Variants in COX15 observed in about 807,000 individuals in gnomAD.
The protein encoded by COX15 is cytochrome c oxidase assembly factor COX15, also known as heme A synthase COX15.
In COX15, 51 loss-of-function variants were observed where a neutral mutation model predicts 51.9. That is an observed-to-expected ratio of 0.98 (90% CI 0.78 to 1.24). COX15 has a LOEUF of 1.24. Among genes scored for constraint, COX15 ranks in the 50% most tolerant of loss-of-function variants. The pLI is 0.00. For missense variants in COX15, 420 were observed against 501.1 expected (o/e 0.84, Z 1.55); for synonymous variants, 188 against 190.5 (o/e 0.99, Z 0.11).
At chr10:99,696,155 TATA>T in the COX15 span, 1 of 1,608,034 alleles carries the variant, frequency 6.2e-7, no homozygotes, top group Non-Finnish European at 8.5e-7. Context: ...GTTTCTGAAA[TATA>T]ATGTCAGGCT....
rs961598180 is a variant in COX15 at position 99,711,066 on chromosome 10, A to G, written c.*3521T>C. ...CATGCATTCACTAATTCAATATTTG[A>G]TATGTGTCTGGGAGTGCTGGGAATA... On this transcript the variant is annotated 3_prime_UTR_variant, in exon 9 of 9. Transcript: ENST00000016171. 2.3e-5 allele frequency: 23 copies of G among 983,012 alleles called. No individual in the cohort carries two copies. In the Admixed American group the frequency reaches 1.4e-3, roughly 59 times the overall value. 60.9% of individuals were successfully genotyped at this position (983,012 alleles called of 1,614,324 possible).
chr10:99,728,943 C>T (rs2037047857), intron 2 of COX15, among the ~76,000 whole-genome samples: 1 of 152,106 alleles, frequency 6.6e-6, no homozygotes. Flanking sequence ...TTCAAACAAA[C>T]TGTAAAAAAA....
At chr10:99,718,301 A>T in intron 7 of COX15, 45 bp downstream of exon 7, 1 of 1,611,628 alleles carries the variant, frequency 6.2e-7, no homozygotes, top group Non-Finnish European at 8.5e-7. Flanking sequence ...AAAGCCTATG[A>T]TAGGCTCCTG....
chr10:99,729,812 G>C, intron 1 of COX15, 78 bp from the exon 2 acceptor site: 8 of 1,404,174 alleles, frequency 5.7e-6, no homozygotes, highest in Non-Finnish European at 5.0e-6. Context: ...ATTCTGATTA[G>C]CGCGAAGTAC....
At chr10:99,718,203 TG>T in intron 7 of COX15, 142 bp downstream of exon 7, 1 of 920,038 alleles carries the variant, frequency 1.1e-6, no homozygotes, top group Non-Finnish European at 1.7e-6. Context: ...ATTAGAGAAA[TG>T]GTCCTAAAAT....
the COX15 span, chr10:99,705,130 A>G: frequency 5.9e-6 from 1 of 169,248 alleles, no homozygotes; most frequent in Admixed American, 5.6e-5. Context: ...CAGAGATATC[A>G]TTTATGTGGA....
In COX15 at chr10:99,729,538, G is replaced by C. The variant is rs747739715; in HGVS notation, c.272+15C>G. Reference sequence around the variant, plus strand: ...ATGATCCAAATACCTGACTCACTACGAGCAAATTACTTACCTAGTTACTCC... The same window carrying C: ...ATGATCCAAATACCTGACTCACTACCAGCAAATTACTTACCTAGTTACTCC... On this transcript the variant is annotated intron_variant, in intron 2 of 8. Transcript: ENST00000016171. The C allele has an allele frequency of 1.2e-6, 2 of 1,609,580 alleles. No individual in the cohort carries two copies. The highest frequency in any genetic ancestry group is 1.7e-5 in the Admixed American group (1 of 59,846).
intron 1 of COX15, among the ~76,000 whole-genome samples, chr10:99,730,585 C>CAAA (rs11440363): frequency 6.7e-6 from 1 of 149,270 alleles, no homozygotes; most frequent in Non-Finnish European, 1.5e-5. Flanking sequence ...CTCCATCTCT[C>CAAA]AAAAAAAAAA....
At chr10:99,715,926 T>A (rs2036555182) in intron 8 of COX15, among the ~76,000 whole-genome samples, 1 of 152,182 alleles carries the variant, frequency 6.6e-6, no homozygotes, top group African/African-American at 2.4e-5. Context: ...ATTTTCCGGT[T>A]ATTAATCTTT....
intron 1 of COX15, 80 bp downstream of exon 1, chr10:99,731,880 T>C (rs2037161411): frequency 2.0e-6 from 3 of 1,531,142 alleles, no homozygotes; most frequent in East Asian, 2.4e-5. Context: ...AAACGTGATG[T>C]GGGGCTCTAC....
rs560943306 is a variant in COX15, at chr10:99,715,425, C to G, written c.1102-707G>C. On this transcript the variant is annotated intron_variant, in intron 8 of 8. Coordinates refer to ENST00000016171, the MANE Select transcript of COX15 (RefSeq NM_078470.6). ...AAGTGCTGGGATTACAGGCGTGAGCCACTGTGCCCGGCCCATAGTTTTTTA... is the reference window on the plus strand; with the variant it reads ...AAGTGCTGGGATTACAGGCGTGAGCGACTGTGCCCGGCCCATAGTTTTTTA... 1.6e-3 allele frequency among the ~76,000 whole-genome samples: 248 copies of G among 152,322 alleles called. 1 individual carries two copies. Among genetic ancestry groups the G allele is most frequent in the African/African-American group, 5.0e-3 (206 of 41,568 alleles).
At chr10:99,714,834 A>C (rs912424509) in intron 8 of COX15, 116 bp from the exon 9 acceptor site, 21 of 1,545,402 alleles carry the variant, frequency 1.4e-5, no homozygotes, top group Non-Finnish European at 1.8e-5. Flanking sequence ...GAGCACTTAA[A>C]ATACACACAT....
chr10:99,723,984 G>A lies in COX15; in HGVS notation c.722C>T (p.Ser241Leu). Reference protein sequence around the residue: ...LVLYCASLWTSLSLLLPPHKL... With the variant: ...LVLYCASLWTLLSLLLPPHKL... ...GTGCGGAGGGAGTAGCAGTGACAGTGAGGTCCACAAGCTGGCACAATAAAG... is the reference window on the plus strand; with the variant it reads ...GTGCGGAGGGAGTAGCAGTGACAGTAAGGTCCACAAGCTGGCACAATAAAG... Residue 241 changes from serine to leucine, a missense_variant, in exon 5 of 9, where the codon TCA becomes TTA. Coordinates refer to ENST00000016171, the MANE Select transcript of COX15 (RefSeq NM_078470.6). 1.2e-6 allele frequency: 2 copies of A among 1,613,994 alleles called. No individual in the cohort carries two copies. The highest frequency in any genetic ancestry group is 1.7e-6 in the Non-Finnish European group (2 of 1,180,022).
chr10:99,700,187 C>T, the COX15 span, among the ~76,000 whole-genome samples: 28 of 152,216 alleles, frequency 1.8e-4, no homozygotes, highest in Admixed American at 1.7e-3. Flanking sequence ...CCTTGAACAC[C>T]AAAAGGCTCA....
rs1256137282 is a variant in COX15, at chr10:99,716,446, T to C, written c.1003A>G (p.Thr335Ala). ...DHRILGITSV[T>A]AITVLYFLSR... is the part of the protein sequence containing the mutation. ...AGGAAGTAGAGCACTGTAATGGCAGTGACTGAAGTGATTCCCTGCAGGGAA... is the reference window on the plus strand; with the variant it reads ...AGGAAGTAGAGCACTGTAATGGCAGCGACTGAAGTGATTCCCTGCAGGGAA... The change falls in exon 8 of 9, where the codon ACT (threonine) becomes GCT (alanine). Residue 335 changes from threonine to alanine, a missense_variant. Coordinates refer to ENST00000016171, the MANE Select transcript of COX15 (RefSeq NM_078470.6). The C allele has an allele frequency of 2.5e-6, 4 of 1,611,260 alleles. No individual in the cohort carries two copies. Among genetic ancestry groups the C allele is most frequent in the Non-Finnish European group, 2.5e-6 (3 of 1,177,716 alleles).
chr10:99,698,496 C>T, the COX15 span: 132 of 1,472,776 alleles, frequency 9.0e-5, no homozygotes, highest in Middle Eastern at 3.6e-4. Flanking sequence ...ACAGGCATGA[C>T]GTGTTTGTTT....
At position 99,712,419 on chromosome 10, in the gene COX15, A is replaced by G. The variant is rs1198074727; in HGVS notation, c.*2168T>C. The G allele has an allele frequency of 1.0e-6, 1 of 985,374 alleles. No homozygotes were observed. The highest frequency in any genetic ancestry group is 1.2e-6 in the Non-Finnish European group (1 of 829,884). The allele number at this position is 985,374 out of a possible 1,614,324, so 61.0% of individuals were successfully genotyped here. ...TGAGAGCTTTCACAGAAAAATCTAGATATGTGGCTTATTTTTAAAAAACAG... is the reference window on the plus strand; with the variant it reads ...TGAGAGCTTTCACAGAAAAATCTAGGTATGTGGCTTATTTTTAAAAAACAG... On this transcript the variant is annotated 3_prime_UTR_variant, in exon 9 of 9. Coordinates refer to ENST00000016171, the MANE Select transcript of COX15 (RefSeq NM_078470.6).
At chr10:99,710,213 C>G, downstream of COX15, 1 of 985,402 alleles carries the variant, frequency 1.0e-6, no homozygotes, top group Non-Finnish European at 1.2e-6. Context: ...CGGCATTTGG[C>G]CTGCTGCTGG....
intron 5 of COX15, 107 bp downstream of exon 5, chr10:99,723,849 G>T: frequency 7.7e-7 from 1 of 1,296,500 alleles, no homozygotes; most frequent in Non-Finnish European, 1.1e-6. Context: ...AGAAAATGTT[G>T]GCAAAATATT....
Sources: gnomAD v4.1 joint callset for allele counts (sites outside exome capture counted in the v4.1 genomes callset) on GRCh38, gnomAD v4.1.1 for gene constraint, MANE v1.5 for transcripts, NCBI Gene and HGNC (gene_info 2026-07-23, HGNC 2026-07-21) for gene names.